Variants in ADAMTS17 observed in about 807,000 individuals in gnomAD.
ADAMTS17 encodes the protein ADAM metallopeptidase with thrombospondin type 1 motif 17.
ADAMTS17 carries 113 observed loss-of-function variants against 141.5 expected under a neutral mutation model. The observed-to-expected ratio is 0.80, with a 90% CI of 0.69 to 0.93. The LOEUF (loss-of-function observed/expected upper bound fraction) is 0.93. Ranked by LOEUF, ADAMTS17 falls within the 40% of genes least tolerant of loss-of-function variation. The pLI, the probability that ADAMTS17 is intolerant of heterozygous loss-of-function variation, is 0.00. For missense variants in ADAMTS17, 1,659 were observed against 1,517.9 expected, an observed-to-expected ratio of 1.09 and a Z score of -1.54; for synonymous variants, 768 against 630.6, an observed-to-expected ratio of 1.22 and a Z score of -3.27.
At chr15:99,980,692 C>T (rs1050001930) in intron 20 of ADAMTS17, 2 of 152,234 alleles carry the variant, frequency 1.3e-5, no homozygotes, top group African/African-American at 4.8e-5. Flanking sequence ...GTTTCTTCTG[C>T]GAGTGTTGCT....
chr15:100,327,164 A>G (rs1458012009), intron 3 of ADAMTS17, among the ~76,000 whole-genome samples: 2 of 152,358 alleles, frequency 1.3e-5, no homozygotes, highest in Non-Finnish European at 1.5e-5. Context: ...CATAATTGGT[A>G]CAAAGCACAA....
At chr15:100,220,222 G>T (rs1160055933) in intron 7 of ADAMTS17, among the ~76,000 whole-genome samples, 1 of 152,168 alleles carries the variant, frequency 6.6e-6, no homozygotes, top group Non-Finnish European at 1.5e-5. Context: ...CCCAGCAAGG[G>T]TCAGACTAAC....
chr15:99,988,969 G>T (rs2060642529), intron 20 of ADAMTS17, among the ~76,000 whole-genome samples: 1 of 152,198 alleles, frequency 6.6e-6, no homozygotes, highest in African/African-American at 2.4e-5. Context: ...ATGTACAAAA[G>T]CAAAAGTGTC....
At position 99,997,657 on chromosome 15, in the gene ADAMTS17, G is replaced by A. The variant is rs1275089184; in HGVS notation, c.2592-68C>T. ...GGCCAGCCTCTCCGGAGGGCCTTCC[G>A]GCCGGATCCTGGAATTGCTGCCCTG... On this transcript the variant is annotated intron_variant, in intron 18 of 21. Transcript: ENST00000268070. The surrounding 1 kb of genome is among the most constrained non-coding windows in gnomAD (Gnocchi z 4.7). 4 of 1,596,442 alleles carry A rather than the reference G, an allele frequency of 2.5e-6. No homozygotes were observed. Among genetic ancestry groups the A allele is most frequent in the Admixed American group, 1.7e-5 (1 of 59,912 alleles).
chr15:100,304,620 C>T (rs2045158353), intron 3 of ADAMTS17, among the ~76,000 whole-genome samples: 1 of 152,216 alleles, frequency 6.6e-6, no homozygotes, highest in Non-Finnish European at 1.5e-5. Flanking sequence ...TTCTTTCTCA[C>T]CACTGTCTTC....
chr15:100,048,818 G>A (rs141772793), intron 18 of ADAMTS17, 39 bp downstream of exon 18: 1 of 1,613,974 alleles, frequency 6.2e-7, no homozygotes. Flanking sequence ...TGCCGCCCCA[G>A]ACTCTGGTGG....
At chr15:100,204,470 G>C (rs574545225) in intron 7 of ADAMTS17, among the ~76,000 whole-genome samples, 1 of 152,366 alleles carries the variant, frequency 6.6e-6, no homozygotes, top group South Asian at 2.1e-4. Flanking sequence ...TCATTGACAA[G>C]TCCTTGTGTT....
rs1018930167 is a variant in ADAMTS17, at chr15:100,038,051, T to C, written c.2591+10806A>G. ...TGCTGGGAGTACAGGTGTGAGCCAATGCGCCCCACCTCCAACTGCATTCTC... is the reference window on the plus strand; with the variant it reads ...TGCTGGGAGTACAGGTGTGAGCCAACGCGCCCCACCTCCAACTGCATTCTC... On this transcript the variant is annotated intron_variant, in intron 18 of 21. Coordinates refer to ENST00000268070, the MANE Select transcript of ADAMTS17 (RefSeq NM_139057.4). Among the ~76,000 whole-genome samples the C allele has an allele frequency of 2.0e-5, 3 of 152,312 alleles. No homozygotes were observed. In the South Asian group the frequency reaches 6.2e-4, roughly 32 times the overall value.
At chr15:100,119,462 G>A (rs1278564741) in intron 12 of ADAMTS17, among the ~76,000 whole-genome samples, 1 of 151,548 alleles carries the variant, frequency 6.6e-6, no homozygotes, top group Non-Finnish European at 1.5e-5. Context: ...ACACACTTGA[G>A]TATAGACTCT....
At chr15:100,111,762 C>T (rs1245483700) in intron 13 of ADAMTS17, among the ~76,000 whole-genome samples, 4 of 152,238 alleles carry the variant, frequency 2.6e-5, no homozygotes, top group African/African-American at 9.6e-5. Context: ...TTTACTACTA[C>T]TGTGTTCCAG....
At chr15:100,113,031 G>T (rs184975751) in intron 13 of ADAMTS17, among the ~76,000 whole-genome samples, 3 of 152,276 alleles carry the variant, frequency 2.0e-5, no homozygotes, top group Admixed American at 2.0e-4. Context: ...GTTCTCCCTG[G>T]TCCTCTGTGG....
chr15:100,158,778 A>T (rs970303568), intron 8 of ADAMTS17, among the ~76,000 whole-genome samples: 1 of 152,232 alleles, frequency 6.6e-6, no homozygotes, highest in Admixed American at 6.5e-5. Context: ...CAATAGCAAA[A>T]AAACTAACAA....
chr15:100,232,503 A>C (rs7168424), intron 7 of ADAMTS17, among the ~76,000 whole-genome samples: 40,517 of 152,192 alleles, frequency 0.27, 5,653 homozygotes, highest in Non-Finnish European at 0.31. Flanking sequence ...CCTCCCAGTA[A>C]ACCCACCTTC....
chr15:100,083,727 C>G (rs1008946379), intron 15 of ADAMTS17, among the ~76,000 whole-genome samples: 1 of 149,438 alleles, frequency 6.7e-6, no homozygotes, highest in Admixed American at 6.8e-5. Context: ...GTGCCCTGAT[C>G]CCCAGGCAGT....
Position 99,972,579 on chromosome 15 carries a change from T to G in ADAMTS17, c.*1823A>C, listed in dbSNP as rs2060232946. 6.6e-6 allele frequency: 1 copy of G among 152,158 alleles called. No individual in the cohort carries two copies. 9.4% of individuals were successfully genotyped at this position (152,158 alleles called of 1,614,324 possible). A position where few individuals can be genotyped will look rare whatever the true frequency, so the allele number is the denominator to read the frequency against. On this transcript the variant is annotated 3_prime_UTR_variant, in exon 22 of 22. Coordinates refer to ENST00000268070, the MANE Select transcript of ADAMTS17 (RefSeq NM_139057.4). ...TTTGAGGGCTTTGTGAAAATGGGAA[T>G]TCATGGGAGTCTGCTGGTGGCCAGG...
intron 14 of ADAMTS17, among the ~76,000 whole-genome samples, chr15:100,103,554 A>AATCC (rs1388784340): frequency 6.8e-6 from 1 of 147,878 alleles, no homozygotes; most frequent in Non-Finnish European, 1.5e-5. Flanking sequence ...AAGAACACAT[A>AATCC]ATCCATCCAT....
chr15:100,331,454 A>G (rs980739850), intron 2 of ADAMTS17, among the ~76,000 whole-genome samples: 1 of 152,184 alleles, frequency 6.6e-6, no homozygotes, highest in Non-Finnish European at 1.5e-5. Flanking sequence ...TAATGGAAAA[A>G]TGTATCTTAT....
chr15:100,243,789 T>TAAAAAA (rs547134930), intron 7 of ADAMTS17, among the ~76,000 whole-genome samples: 1 of 93,472 alleles, frequency 1.1e-5, no homozygotes. Context: ...GACTCCATCT[T>TAAAAAA]AAAAAAAAAA....
chr15:100,275,068 G>T (rs181365919), intron 4 of ADAMTS17, among the ~76,000 whole-genome samples: 1 of 152,294 alleles, frequency 6.6e-6, no homozygotes, highest in Admixed American at 6.5e-5. Context: ...TTTATGTTGA[G>T]GAAAACAGGG....
Sources: gnomAD v4.1 joint callset for allele counts (sites outside exome capture counted in the v4.1 genomes callset) on GRCh38, gnomAD v4.1.1 for gene constraint, Gnocchi (gnomAD v3.1) non-coding constraint, MANE v1.5 for transcripts, NCBI Gene and HGNC (gene_info 2026-07-23, HGNC 2026-07-21) for gene names.